CSMD1: variants seen among roughly 807,000 people sequenced by gnomAD.
CSMD1 encodes CUB and Sushi multiple domains 1.
Under a neutral mutation model 417.5 loss-of-function variants are expected in CSMD1, and 213 were observed. That is an observed-to-expected ratio of 0.51 (90% CI 0.46 to 0.57). The LOEUF (loss-of-function observed/expected upper bound fraction) is 0.57. CSMD1 is among the 20% of genes least tolerant of loss of function. CSMD1 has a pLI of 0.00. For missense variants in CSMD1, 6,923 were observed against 4,529.7 expected, an observed-to-expected ratio of 1.53 and a Z score of -15.17; for synonymous variants, 2,862 against 1,736.8, an observed-to-expected ratio of 1.65 and a Z score of -16.11.
Position 2,963,395 on chromosome 8 carries a change from G to A in CSMD1, c.9281C>T (p.Ala3094Val), listed in dbSNP as rs1255744544. 1 of 1,613,290 alleles carries A rather than the reference G, an allele frequency of 6.2e-7. No homozygotes were observed. Among genetic ancestry groups the A allele is most frequent in the South Asian group, 1.1e-5 (1 of 91,070 alleles). The change falls in exon 60 of 70, where the codon GCC becomes GTC. Residue 3094 changes from alanine (A) to valine (V), a missense_variant and splice_region_variant. Ala to Val is a moderately conservative substitution (Grantham distance 64). Coordinates refer to ENST00000635120, the MANE Select transcript of CSMD1 (RefSeq NM_033225.6). ...CGGCGGCGGCTGAGGACACAGCACG[G>A]CTATTTCCAAAGAACAAACAAGATC... ...RWNPSKPVCK[A>V]VLCPQPPPVQ...
intron 25 of CSMD1, among the ~76,000 whole-genome samples, chr8:3,287,414 T>C (rs1196006597): frequency 6.6e-6 from 1 of 152,166 alleles, no homozygotes; most frequent in East Asian, 1.9e-4. Flanking sequence ...TTTCACAATA[T>C]TGATTCTTCC....
chr8:3,545,284 G>A (rs1798610984), intron 10 of CSMD1, among the ~76,000 whole-genome samples: 1 of 152,156 alleles, frequency 6.6e-6, no homozygotes, highest in Admixed American at 6.5e-5. Context: ...TGGTCTTCAT[G>A]ATTTTCAAAG....
At position 4,332,942 on chromosome 8, in the gene CSMD1, T is replaced by A. The variant is rs796505047; in HGVS notation, c.415+87011A>T. Among the ~76,000 whole-genome samples, 553 of 101,732 alleles carry A rather than the reference T, an allele frequency of 5.4e-3. 5 individuals carry two copies. Among genetic ancestry groups the A allele is most frequent in the African/African-American group, 0.03 (525 of 17,600 alleles). 66.7% of individuals were successfully genotyped at this position (101,732 alleles called of 152,430 possible). ...CTATCACATTTTTTTCTTATAAAAA[T>A]CTAAAAAAAAAAAAACTAAGATTTC... On this transcript the variant is annotated intron_variant, in intron 3 of 69. Coordinates refer to ENST00000635120, the MANE Select transcript of CSMD1 (RefSeq NM_033225.6).
chr8:3,796,456 G>GATAT (rs1563089732), intron 5 of CSMD1, among the ~76,000 whole-genome samples: 19 of 131,168 alleles, frequency 1.4e-4, no homozygotes, highest in South Asian at 9.4e-4. Context: ...TATAGATATA[G>GATAT]ATATCTATCA....
At chr8:4,463,301 G>A (rs1265741445) in intron 2 of CSMD1, among the ~76,000 whole-genome samples, 2 of 152,114 alleles carry the variant, frequency 1.3e-5, no homozygotes, top group African/African-American at 4.8e-5. Context: ...TTGGTGAGGA[G>A]GTGTATGGGT....
chr8:3,467,348 G>C (rs112551656), intron 12 of CSMD1, among the ~76,000 whole-genome samples: 2,735 of 152,232 alleles, frequency 0.018, 96 homozygotes, highest in African/African-American at 0.062. Context: ...GATGATTTCA[G>C]ATTCTACCAA....
intron 3 of CSMD1, among the ~76,000 whole-genome samples, chr8:4,091,543 T>C (rs566419945): frequency 1.3e-5 from 2 of 152,192 alleles, no homozygotes; most frequent in Non-Finnish European, 2.9e-5. Flanking sequence ...CACTCAGCAA[T>C]GCAAACGTGG....
chr8:3,996,613 A>G (rs1026183384), intron 5 of CSMD1, among the ~76,000 whole-genome samples: 2 of 152,172 alleles, frequency 1.3e-5, no homozygotes, highest in East Asian at 3.9e-4. Flanking sequence ...AATTTAAACA[A>G]ATTCCTGAGT....
chr8:3,727,735 G>T (rs1179129358), intron 6 of CSMD1, among the ~76,000 whole-genome samples: 1 of 152,074 alleles, frequency 6.6e-6, no homozygotes, highest in Non-Finnish European at 1.5e-5. Flanking sequence ...ACACATGAAT[G>T]GATAAAGATA....
Position 4,532,588 on chromosome 8 carries a change from A to T in CSMD1, c.302+104754T>A, listed in dbSNP as rs190641048. ...AGAAATCCTGCACCCCCATTCAGTC[A>T]CTCTGGAAGAGAAATCCTGCACCGC... On this transcript the variant is annotated intron_variant, in intron 2 of 69. Transcript: ENST00000635120. Among the ~76,000 whole-genome samples, 27 of 134,070 alleles carry T rather than the reference A, an allele frequency of 2.0e-4. 1 individual carries two copies. In the East Asian group the frequency reaches 6.3e-3, roughly 31 times the overall value. The allele number at this position is 134,070 out of a possible 152,430, so 88.0% of individuals were successfully genotyped here.
At chr8:4,953,161 A>T (rs1563854887) in intron 1 of CSMD1, among the ~76,000 whole-genome samples, 1 of 152,212 alleles carries the variant, frequency 6.6e-6, no homozygotes, top group Non-Finnish European at 1.5e-5. Flanking sequence ...AAGGTAGAAG[A>T]TACACTCAAA....
intron 1 of CSMD1, among the ~76,000 whole-genome samples, chr8:4,678,265 G>A (rs935095501): frequency 1.3e-5 from 2 of 151,864 alleles, no homozygotes; most frequent in South Asian, 2.1e-4. Flanking sequence ...ACAAAAATTA[G>A]CCAGGTGTGG....
rs140398152 is a variant in CSMD1 at position 4,699,456 on chromosome 8, A to G, written c.86-61898T>C. On this transcript the variant is annotated intron_variant, in intron 1 of 69. Transcript: ENST00000635120. ...AGACCCAGGTTCAATGTCATATTCT[A>G]TAAAGTTTTCCCCAAATCCATCTGT... Among the ~76,000 whole-genome samples, 3 of 152,294 alleles carry G rather than the reference A, an allele frequency of 2.0e-5. No individual in the cohort carries two copies. The East Asian group carries it at 5.8e-4, about 29-fold the overall frequency.
chr8:4,093,673 C>G (rs756775806), intron 3 of CSMD1, among the ~76,000 whole-genome samples: 26 of 152,152 alleles, frequency 1.7e-4, no homozygotes, highest in East Asian at 3.9e-4. Flanking sequence ...AGGAAAGCAA[C>G]AGAACGGCCG....
intron 3 of CSMD1, among the ~76,000 whole-genome samples, chr8:4,063,450 C>A (rs560241201): frequency 6.6e-6 from 1 of 152,214 alleles, no homozygotes; most frequent in South Asian, 2.1e-4. Flanking sequence ...GTCCTTAGAA[C>A]AATGCCTGGC....
intron 26 of CSMD1, among the ~76,000 whole-genome samples, chr8:3,268,438 G>A (rs1314780244): frequency 2.6e-5 from 4 of 151,556 alleles, no homozygotes; most frequent in East Asian, 2.0e-4. Context: ...ACAGGTGCCC[G>A]CCACCACGCC....
chr8:3,859,183 TA>T (rs1240367492), intron 5 of CSMD1, among the ~76,000 whole-genome samples: 1 of 152,184 alleles, frequency 6.6e-6, no homozygotes, highest in Admixed American at 6.5e-5. Context: ...ACAGGCTCTC[TA>T]AATATGTGCG....
chr8:3,609,961 C>T (rs1198345605), intron 8 of CSMD1, among the ~76,000 whole-genome samples: 1 of 151,512 alleles, frequency 6.6e-6, no homozygotes, highest in African/African-American at 2.4e-5. Flanking sequence ...ACCAACATGC[C>T]CAGCTAATTT....
At chr8:4,881,716 T>A (rs571757657) in intron 1 of CSMD1, among the ~76,000 whole-genome samples, 1 of 152,216 alleles carries the variant, frequency 6.6e-6, no homozygotes, top group East Asian at 1.9e-4. Context: ...ATATTTTGAA[T>A]AAAAAGCATG....
Sources: allele counts gnomAD v4.1 joint callset (sites outside exome capture counted in the v4.1 genomes callset), GRCh38; gene constraint gnomAD v4.1.1; transcripts MANE v1.5; gene names NCBI Gene and HGNC (gene_info 2026-07-23, HGNC 2026-07-21).